The following GGT6 variants were observed in gnomAD, a reference collection of about 807,000 sequenced individuals.
GGT6 encodes the protein gamma-glutamyltransferase 6, also known as glutathione hydrolase 6.
GGT6 carries 13 observed loss-of-function variants against 17.0 expected under a neutral mutation model. The ratio of observed to expected loss-of-function variants is 0.77; its 90% confidence interval spans 0.50 to 1.22. GGT6 has a LOEUF of 1.22. Ranked by LOEUF, GGT6 falls within the 50% of genes most tolerant of loss-of-function variation. The pLI, the probability that GGT6 is intolerant of heterozygous loss-of-function variation, is 0.00. For missense variants in GGT6, 628 were observed against 643.7 expected, an observed-to-expected ratio of 0.98 and a Z score of 0.26; for synonymous variants, 305 against 297.9, an observed-to-expected ratio of 1.02 and a Z score of -0.25.
Position 4,557,623 on chromosome 17 carries a change from A to T in GGT6, c.*392T>A, listed in dbSNP as rs145171043. On this transcript the variant is annotated 3_prime_UTR_variant, in exon 4 of 4. Coordinates refer to ENST00000381550, the MANE Select transcript of GGT6 (RefSeq NM_001288702.2). ...AGCCACCGCACCCAGCTATTTTTTT[A>T]TTATTATTATTATTATTTTAAAGAC... 0.019 allele frequency: 2,841 copies of T among 151,164 alleles called. 35 individuals are homozygous for T. The highest frequency in any genetic ancestry group is 0.045 in the South Asian group (214 of 4,742). 9.4% of individuals were successfully genotyped at this position (151,164 alleles called of 1,614,324 possible).
Position 4,558,501 on chromosome 17 carries a change from C to T in GGT6, c.1014G>A (p.Ala338=), listed in dbSNP as rs147345619. Residue 338 remains alanine (A), a synonymous_variant, in exon 4 of 4, where the codon GCG becomes GCA. Coordinates refer to ENST00000381550, the MANE Select transcript of GGT6 (RefSeq NM_001288702.2). ...ALLEAALRSG[A]PIPDPCPPFL... ...ACGGTGGGCAGGGGTCAGGGATGGG[C>T]GCCCCGGAGCGCAGGGCTGCCTCCA... The T allele has an allele frequency of 8.0e-5, 128 of 1,600,010 alleles. No homozygotes were observed. The highest frequency in any genetic ancestry group is 9.8e-5 in the Non-Finnish European group (115 of 1,174,402).
chr17:4,560,306 CT>C lies in GGT6; in HGVS notation c.140+75del, dbSNP rs1464089041. 41 of 1,570,520 alleles carry C rather than the reference CT, an allele frequency of 2.6e-5. No individual in the cohort carries two copies. The East Asian group carries it at 6.9e-4, about 27-fold the overall frequency. On this transcript the variant is annotated intron_variant, in intron 1 of 3. Transcript: ENST00000381550. ...CCCAGCGGGGAGTCGCCTGGTCCCCCTGAGGGGCTCCAGAGAGAGGGACTTG... is the reference window on the plus strand; with the variant it reads ...CCCAGCGGGGAGTCGCCTGGTCCCCCGAGGGGCTCCAGAGAGAGGGACTTG...
At chr17:4,560,175 G>A (rs1027272973) in intron 1 of GGT6, among the ~76,000 whole-genome samples, 1 of 152,214 alleles carries the variant, frequency 6.6e-6, no homozygotes, top group Non-Finnish European at 1.5e-5. Context: ...GGCTGGCTTG[G>A]TACAAATGTC....
chr17:4,560,003 A>G, intron 1 of GGT6: 1 of 587,608 alleles, frequency 1.7e-6, no homozygotes, highest in Non-Finnish European at 3.0e-6. Context: ...GGCAGAGTCC[A>G]CTCAGGTGGG....
intron 1 of GGT6, 199 bp from the exon 2 acceptor site, chr17:4,559,959 C>T (rs1184913347): frequency 1.6e-6 from 1 of 610,850 alleles, no homozygotes; most frequent in South Asian, 2.0e-5. Context: ...CTGAGCCTAG[C>T]TAGGGAGGGA....
In GGT6 at chr17:4,557,704, C is replaced by A. The variant is rs1211378454; in HGVS notation, c.*311G>T. 7.6e-6 allele frequency: 2 copies of A among 263,304 alleles called. No homozygotes were observed. The highest frequency in any genetic ancestry group is 1.8e-4 in the South Asian group (2 of 10,922). The allele number at this position is 263,304 out of a possible 1,614,324, so 16.3% of individuals were successfully genotyped here. ...GCAGTGGTGTGATCCTAGCTCTCTG[C>A]AGCCTTGAACTCCTGAGCTCAAGCG... On this transcript the variant is annotated 3_prime_UTR_variant, in exon 4 of 4. Coordinates refer to ENST00000381550, the MANE Select transcript of GGT6 (RefSeq NM_001288702.2).
chr17:4,559,474 C>A lies in GGT6; in HGVS notation c.344-18G>T, dbSNP rs1317028270. On this transcript the variant is annotated intron_variant, in intron 2 of 3. Coordinates refer to ENST00000381550, the MANE Select transcript of GGT6 (RefSeq NM_001288702.2). Reference sequence around the variant, plus strand: ...GCATGTGGCTGCAGCAAGGAAGGCACTGTCATGCAGCAAGGAGGGGGGCTA... The same window carrying A: ...GCATGTGGCTGCAGCAAGGAAGGCAATGTCATGCAGCAAGGAGGGGGGCTA... 26 of 1,562,438 alleles carry A rather than the reference C, an allele frequency of 1.7e-5. No homozygotes were observed. Among genetic ancestry groups the A allele is most frequent in the Non-Finnish European group, 2.2e-5 (25 of 1,152,916 alleles).
chr17:4,560,403 C>CA lies in GGT6; in HGVS notation c.118_119insT (p.Arg40LeufsTer124), dbSNP rs1908558249. ...TTACCTGGAAGAGTCCTGGTGCCTC[C>CA]GGGGGTTTAGAACCAGCGCCTCTGA... On this transcript the variant is annotated frameshift_variant, in exon 1 of 4. Coordinates refer to ENST00000381550, the MANE Select transcript of GGT6 (RefSeq NM_001288702.2). LOFTEE classifies it high-confidence loss of function. 6.2e-7 allele frequency: 1 copy of CA among 1,613,948 alleles called. No homozygotes were observed. Among genetic ancestry groups the CA allele is most frequent in the African/African-American group, 1.3e-5 (1 of 74,906 alleles).
At position 4,559,159 on chromosome 17, in the gene GGT6, C is replaced by A. The variant is rs1201746077; in HGVS notation, c.458-102G>T. 2.1e-6 allele frequency: 3 copies of A among 1,447,116 alleles called. No individual in the cohort carries two copies. In the Admixed American group the frequency reaches 6.1e-5, roughly 29 times the overall value. The allele number at this position is 1,447,116 out of a possible 1,614,324, so 89.6% of individuals were successfully genotyped here. ...GAGCCTGGGATCAGGAGTTACTGAC[C>A]AGGCCTGAGGTCAAAGTTCCACAGA... On this transcript the variant is annotated intron_variant, in intron 3 of 3. Coordinates refer to ENST00000381550, the MANE Select transcript of GGT6 (RefSeq NM_001288702.2).
At position 4,558,688 on chromosome 17, in the gene GGT6, G is replaced by C. The variant is rs1350314287; in HGVS notation, c.827C>G (p.Ala276Gly). ...SAALAPTSDLAGDALLSLLAG... is the reference protein window; with the variant it reads ...SAALAPTSDLGGDALLSLLAG... ...CAGTAGACTCAGTAGAGCATCCCCA[G>C]CAAGGTCTGAGGTGGGAGCGAGGGC... Residue 276 changes from alanine (A) to glycine (G), a missense_variant, in exon 4 of 4, where the codon GCT becomes GGT. Ala to Gly is a moderately conservative substitution (Grantham distance 60). Coordinates refer to ENST00000381550, the MANE Select transcript of GGT6 (RefSeq NM_001288702.2). The C allele has an allele frequency of 6.2e-7, 1 of 1,606,460 alleles. No homozygotes were observed. The highest frequency in any genetic ancestry group is 1.3e-5 in the African/African-American group (1 of 74,838).
chr17:4,560,477 G>C lies in GGT6; in HGVS notation c.45C>G (p.Pro15=), dbSNP rs988466667. Residue 15 remains proline, a synonymous_variant, in exon 1 of 4, where the codon CCC becomes CCG. Coordinates refer to ENST00000381550, the MANE Select transcript of GGT6 (RefSeq NM_001288702.2). ...CCTCCGACTCCAAGCTTGGCTCCCA[G>C]GGCAGCAGCTTCTGATAGACCACGG... ...EEPVVYQKLL[P]WEPSLESEEE... 6 of 1,613,480 alleles carry C rather than the reference G, an allele frequency of 3.7e-6. No homozygotes were observed. The highest frequency in any genetic ancestry group is 1.3e-5 in the African/African-American group (1 of 74,942).
intron 1 of GGT6, chr17:4,560,076 C>G: frequency 1.8e-6 from 1 of 570,934 alleles, no homozygotes; most frequent in Non-Finnish European, 3.1e-6. Context: ...CCCAGCCAGG[C>G]GTAGTCAGGC....
Position 4,557,936 on chromosome 17 carries a change from C to A in GGT6, c.*79G>T. On this transcript the variant is annotated 3_prime_UTR_variant, in exon 4 of 4. Coordinates refer to ENST00000381550, the MANE Select transcript of GGT6 (RefSeq NM_001288702.2). ...GCACCACACCCTGCGGGTGCACACT[C>A]CATTGCTGCTGTGTCTGCTCTGCTC... The A allele has an allele frequency of 2.1e-6, 2 of 959,918 alleles. No homozygotes were observed. Among genetic ancestry groups the A allele is most frequent in the Non-Finnish European group, 3.0e-6 (2 of 660,406 alleles). The allele number at this position is 959,918 out of a possible 1,614,324, so 59.5% of individuals were successfully genotyped here. A position where few individuals can be genotyped will look rare whatever the true frequency, so the allele number is the denominator to read the frequency against.
rs759951301 is a variant in GGT6, at chr17:4,558,743, G to T, written c.772C>A (p.Pro258Thr). Residue 258 changes from proline (P) to threonine (T), a missense_variant, in exon 4 of 4, where the codon CCA becomes ACA. Pro to Thr is a conservative substitution (Grantham distance 38). Coordinates refer to ENST00000381550, the MANE Select transcript of GGT6 (RefSeq NM_001288702.2). ...PLGAGARATN[P>T]QLAAVLRSAA... ...CTGCGAAGCACAGCTGCCAGTTGTG[G>T]GTTGGTGGCTCGGGCCCCAGCGCCC... 2.5e-6 allele frequency: 4 copies of T among 1,594,424 alleles called. No individual in the cohort carries two copies. The highest frequency in any genetic ancestry group is 2.6e-6 in the Non-Finnish European group (3 of 1,171,762).
At chr17:4,559,287 A>C in intron 3 of GGT6, 56 bp downstream of exon 3, 1 of 1,391,114 alleles carries the variant, frequency 7.2e-7, no homozygotes, top group Non-Finnish European at 1.0e-6. Context: ...CCTAAGTTCC[A>C]GGTCACTGAT....
Position 4,558,709 on chromosome 17 carries a change from A to G in GGT6, c.806T>C (p.Leu269Pro). ...QLAAVLRSAA[L>P]APTSDLAGDA... ...CCCAGCAAGGTCTGAGGTGGGAGCG[A>G]GGGCTGCGCTGCGAAGCACAGCTGC... Residue 269 changes from leucine to proline, a missense_variant, in exon 4 of 4, where the codon CTC becomes CCC. Transcript: ENST00000381550. 1 of 1,607,074 alleles carries G rather than the reference A, an allele frequency of 6.2e-7. No individual in the cohort carries two copies. The highest frequency in any genetic ancestry group is 1.1e-5 in the South Asian group (1 of 89,654).
Position 4,559,764 on chromosome 17 carries a change from C to A in GGT6, c.141-4G>T. 1 of 1,610,212 alleles carries A rather than the reference C, an allele frequency of 6.2e-7. No homozygotes were observed. Among genetic ancestry groups the A allele is most frequent in the Non-Finnish European group, 8.5e-7 (1 of 1,179,508 alleles). On this transcript the variant is annotated splice_region_variant and splice_polypyrimidine_tract_variant and intron_variant, in intron 1 of 3. Transcript: ENST00000381550. Reference sequence around the variant, plus strand: ...GGGCAGCCCGCCAGCCTTGTTCCTGCAGAGGGGGGGTGTCCTGAGCCACGG... The same window carrying A: ...GGGCAGCCCGCCAGCCTTGTTCCTGAAGAGGGGGGGTGTCCTGAGCCACGG...
In GGT6 at chr17:4,559,012, G is replaced by C; in HGVS notation, c.503C>G (p.Ser168Cys). 6.5e-7 allele frequency: 1 copy of C among 1,544,448 alleles called. No individual in the cohort carries two copies. The highest frequency in any genetic ancestry group is 8.7e-7 in the Non-Finnish European group (1 of 1,146,976). The change falls in exon 4 of 4, where the codon TCC (serine) becomes TGC (cysteine). Residue 168 changes from serine (S) to cysteine (C), a missense_variant. Physicochemically the swap from Ser to Cys is moderately radical, Grantham distance 112 (BLOSUM62 -1). Coordinates refer to ENST00000381550, the MANE Select transcript of GGT6 (RefSeq NM_001288702.2). ...GLFHDSSSGN[S>C]TALTSGPAQT... The stretch of plus-strand genomic sequence containing the variant: ...TGCTGGGCCTGATGTCAGGGCCGTG[G>C]AATTGCCTGAGGAGCTATCGTGGAA...
Position 4,558,402 on chromosome 17 carries a change from G to A in GGT6, c.1113C>T (p.Leu371=), listed in dbSNP as rs1555543995. The A allele has an allele frequency of 5.6e-6, 9 of 1,605,378 alleles. No homozygotes were observed. Among genetic ancestry groups the A allele is most frequent in the Middle Eastern group, 1.6e-4 (1 of 6,062 alleles). ...AVDSSGSVLL[L]TSSLNCSFGS... ...CAAAGGAGCAGTTGAGCGAGGAGGT[G>A]AGAAGGAGCACAGAGCCGCTGCTGT... Residue 371 remains leucine (L), a synonymous_variant, in exon 4 of 4, where the codon CTC becomes CTT. Coordinates refer to ENST00000381550, the MANE Select transcript of GGT6 (RefSeq NM_001288702.2).
Sources: allele counts gnomAD v4.1 joint callset (sites outside exome capture counted in the v4.1 genomes callset), GRCh38; gene constraint gnomAD v4.1.1; transcripts MANE v1.5; gene names NCBI Gene and HGNC (gene_info 2026-07-23, HGNC 2026-07-21).